The following RASGRF2 variants were observed in gnomAD, a reference collection of about 807,000 sequenced individuals.
The protein encoded by RASGRF2 is Ras protein specific guanine nucleotide releasing factor 2.
A neutral mutation model predicts 151.0 loss-of-function variants in RASGRF2; 76 were observed. The observed-to-expected ratio is 0.50, with a 90% confidence interval of 0.42 to 0.61. RASGRF2 has a LOEUF of 0.61. Among genes scored for constraint, RASGRF2 ranks in the 20% least tolerant of loss-of-function variants. The probability of loss-of-function intolerance (pLI) is 0.00; values close to 1 mark genes in which losing one functional copy is unlikely to be tolerated. For synonymous variants in RASGRF2, 504 were observed against 566.5 expected (o/e 0.89, Z 1.57); for missense variants, 1,148 against 1,564.6 (o/e 0.73, Z 4.49).
chr5:81,018,019 G>A (rs747818987), intron 1 of RASGRF2, among the ~76,000 whole-genome samples: 3 of 151,904 alleles, frequency 2.0e-5, no homozygotes, highest in African/African-American at 4.8e-5. Flanking sequence ...TGAGGTAGAA[G>A]AATCACTTGA....
chr5:81,199,754 C>T (rs1162451946), intron 18 of RASGRF2, among the ~76,000 whole-genome samples: 2 of 151,406 alleles, frequency 1.3e-5, no homozygotes, highest in Non-Finnish European at 2.9e-5. Flanking sequence ...AAAAATTAGC[C>T]AGGCGTGGTG....
intron 10 of RASGRF2, among the ~76,000 whole-genome samples, chr5:81,093,998 A>G (rs1752466325): frequency 1.3e-5 from 2 of 152,100 alleles, no homozygotes; most frequent in Admixed American, 6.5e-5. Context: ...GCCCTTTGCT[A>G]AGGTGCATTA....
chr5:81,042,807 G>A (rs2112394145), intron 1 of RASGRF2, 70 bp from the exon 2 acceptor site: 1 of 1,069,754 alleles, frequency 9.3e-7, no homozygotes, highest in Non-Finnish European at 1.4e-6. Flanking sequence ...TTTGTAGGCA[G>A]ATACTGTGTT....
chr5:81,057,619 C>A (rs1561582379), intron 2 of RASGRF2, among the ~76,000 whole-genome samples: 1 of 152,094 alleles, frequency 6.6e-6, no homozygotes, highest in Admixed American at 6.6e-5. Context: ...TACACACATG[C>A]ATTGTATCAT....
intron 7 of RASGRF2, among the ~76,000 whole-genome samples, chr5:81,083,529 A>G (rs1752145393): frequency 6.6e-6 from 1 of 152,236 alleles, no homozygotes. Context: ...CTATGGAAAC[A>G]TGGAGAAATT....
chr5:81,100,536 C>A (rs1752672622), intron 12 of RASGRF2, among the ~76,000 whole-genome samples: 1 of 152,196 alleles, frequency 6.6e-6, no homozygotes, highest in Admixed American at 6.5e-5. Flanking sequence ...ACCAATAATT[C>A]TTCCCCTTTT....
At chr5:81,210,998 G>T (rs1352471570) in intron 22 of RASGRF2, among the ~76,000 whole-genome samples, 1 of 152,018 alleles carries the variant, frequency 6.6e-6, no homozygotes, top group Non-Finnish European at 1.5e-5. Context: ...CAAAAAATTA[G>T]CCAGGCATGG....
rs146332416 is a variant in RASGRF2 at position 81,127,084 on chromosome 5, G to A, written c.2607G>A (p.Ala869=). Residue 869 remains alanine (A), a synonymous_variant, in exon 17 of 27, where the codon GCG becomes GCA. Coordinates refer to ENST00000265080, the MANE Select transcript of RASGRF2 (RefSeq NM_006909.3). ...TTTTCAAATAACCAGGACAGACGGC[G>A]GACAATGCCCACTGCTCTGTTTCAC... ...LRYRQPGGQT[A]DNAHCSVSPA... is the part of the protein sequence containing the mutation. The A allele has an allele frequency of 9.9e-6, 16 of 1,613,874 alleles. No individual in the cohort carries two copies. The highest frequency in any genetic ancestry group is 2.2e-5 in the East Asian group (1 of 44,894).
At chr5:81,114,637 C>T (rs1252417356) in intron 15 of RASGRF2, among the ~76,000 whole-genome samples, 1 of 152,202 alleles carries the variant, frequency 6.6e-6, no homozygotes, top group Non-Finnish European at 1.5e-5. Flanking sequence ...TCCCCCTCTC[C>T]AGCCCCTGCT....
intron 2 of RASGRF2, among the ~76,000 whole-genome samples, chr5:81,055,500 C>G (rs1751171906): frequency 6.6e-6 from 1 of 152,114 alleles, no homozygotes; most frequent in African/African-American, 2.4e-5. Context: ...GGTGGATAAG[C>G]TTTTTGATGT....
rs1754586864 is a variant in RASGRF2, at chr5:81,169,258, C to T, written c.2687-10917C>T. ...TGAACAGTGGAGCCATTCCTGATTCCTCTTTCCCTCAGACCTTAAATTCGT... is the reference window on the plus strand; with the variant it reads ...TGAACAGTGGAGCCATTCCTGATTCTTCTTTCCCTCAGACCTTAAATTCGT... On this transcript the variant is annotated intron_variant, in intron 17 of 26. Coordinates refer to ENST00000265080, the MANE Select transcript of RASGRF2 (RefSeq NM_006909.3). 2.0e-5 allele frequency among the ~76,000 whole-genome samples: 3 copies of T among 152,204 alleles called. No homozygotes were observed. In the South Asian group the frequency reaches 6.2e-4, roughly 32 times the overall value.
At chr5:81,209,512 C>A (rs999702749) in intron 22 of RASGRF2, among the ~76,000 whole-genome samples, 12 of 152,192 alleles carry the variant, frequency 7.9e-5, no homozygotes, top group African/African-American at 2.9e-4. Context: ...GCAAAAATGA[C>A]AGTTTAGATT....
At position 81,227,345 on chromosome 5, in the gene RASGRF2, T is replaced by C. The variant is rs567360152; in HGVS notation, c.*1575T>C. ...AGTGCCATCTCTGTATGTAACTATA[T>C]AGTGAAATATCAACTAAGTAAAAGA... is the stretch of plus-strand genomic sequence containing the variant. On this transcript the variant is annotated 3_prime_UTR_variant, in exon 27 of 27. Coordinates refer to ENST00000265080, the MANE Select transcript of RASGRF2 (RefSeq NM_006909.3). The C allele has an allele frequency of 6.6e-6, 1 of 152,356 alleles. No homozygotes were observed. The highest frequency in any genetic ancestry group is 2.1e-4 in the South Asian group (1 of 4,830). The allele number at this position is 152,356 out of a possible 1,614,324, so 9.4% of individuals were successfully genotyped here.
chr5:81,090,663 T>G (rs930848617), intron 9 of RASGRF2, among the ~76,000 whole-genome samples: 1 of 152,160 alleles, frequency 6.6e-6, no homozygotes, highest in Non-Finnish European at 1.5e-5. Flanking sequence ...AGGTAAACAA[T>G]TATAGATTAA....
intron 1 of RASGRF2, among the ~76,000 whole-genome samples, chr5:81,006,397 T>C (rs1749271032): frequency 6.6e-6 from 1 of 152,218 alleles, no homozygotes; most frequent in Non-Finnish European, 1.5e-5. Context: ...AGTTAAGTGG[T>C]TTTGGTAAAG....
chr5:81,153,355 G>A (rs1184768735), intron 17 of RASGRF2, among the ~76,000 whole-genome samples: 1 of 152,234 alleles, frequency 6.6e-6, no homozygotes, highest in Non-Finnish European at 1.5e-5. Context: ...ATCTCTAAAA[G>A]TGGAAGAGGG....
intron 2 of RASGRF2, 51 bp from the exon 3 acceptor site, chr5:81,067,981 C>CTA (rs770852328): frequency 1.3e-6 from 2 of 1,485,586 alleles, no homozygotes; most frequent in African/African-American, 2.8e-5. Flanking sequence ...ATATGGAACT[C>CTA]TATATAGTAG....
chr5:81,113,465 T>C lies in RASGRF2; in HGVS notation c.2088-73T>C. On this transcript the variant is annotated intron_variant, in intron 14 of 26. Transcript: ENST00000265080. Reference sequence around the variant, plus strand: ...TTGTGACCTATAAATGAAGGGAACATGTTCTTGAATGACATCTGGGAATTC... The same window carrying C: ...TTGTGACCTATAAATGAAGGGAACACGTTCTTGAATGACATCTGGGAATTC... 5 of 1,454,284 alleles carry C rather than the reference T, an allele frequency of 3.4e-6. No homozygotes were observed. The Admixed American group carries it at 7.5e-5, about 22-fold the overall frequency. 90.1% of individuals were successfully genotyped at this position (1,454,284 alleles called of 1,614,324 possible). A position where few individuals can be genotyped will look rare whatever the true frequency, so the allele number is the denominator to read the frequency against.
At chr5:81,062,931 CT>C (rs983458568) in intron 2 of RASGRF2, among the ~76,000 whole-genome samples, 2 of 151,676 alleles carry the variant, frequency 1.3e-5, no homozygotes, top group African/African-American at 4.8e-5. Flanking sequence ...GATTGGTTGT[CT>C]GTGTATTGTT....
Sources: gnomAD v4.1 joint callset for allele counts (sites outside exome capture counted in the v4.1 genomes callset) on GRCh38, gnomAD v4.1.1 for gene constraint, MANE v1.5 for transcripts, NCBI Gene and HGNC (gene_info 2026-07-23, HGNC 2026-07-21) for gene names.